Variants in CHAT observed in about 807,000 individuals in gnomAD.
The protein encoded by CHAT is choline O-acetyltransferase, also known as acetyl CoA:choline O-acetyltransferase.
Under a neutral mutation model 76.9 loss-of-function variants are expected in CHAT, and 61 were observed. The observed-to-expected ratio is 0.79, with a 90% CI of 0.65 to 0.98. The LOEUF is 0.98. Among genes scored for constraint, CHAT ranks in the 50% least tolerant of loss-of-function variants. The pLI is 0.00. For synonymous variants in CHAT, 407 were observed against 397.4 expected, an observed-to-expected ratio of 1.02 and a Z score of -0.29; for missense variants, 946 against 986.9, an observed-to-expected ratio of 0.96 and a Z score of 0.56.
intron 13 of CHAT, among the ~76,000 whole-genome samples, chr10:49,661,875 T>C (rs1840204948): frequency 6.6e-6 from 1 of 152,192 alleles, no homozygotes; most frequent in African/African-American, 2.4e-5. Context: ...CCCTCCTACA[T>C]TGACATCCTG....
intron 14 of CHAT, 48 bp downstream of exon 14, chr10:49,662,830 T>C (rs746590504): frequency 1.2e-6 from 2 of 1,613,172 alleles, no homozygotes; most frequent in Non-Finnish European, 1.7e-6. Context: ...GTCAGTAAGC[T>C]TTCTAAAGAG....
intron 7 of CHAT, among the ~76,000 whole-genome samples, chr10:49,641,662 G>A (rs1345164194): frequency 6.6e-6 from 1 of 152,144 alleles, no homozygotes; most frequent in Admixed American, 6.5e-5. Flanking sequence ...CATCAGGGGA[G>A]GAAAGATGCT....
rs1917813 is a variant in CHAT at position 49,649,789 on chromosome 10, T to C, written c.1511+153T>C. Among the ~76,000 whole-genome samples the C allele has an allele frequency of 0.38, 57,760 of 151,402 alleles. 11,868 individuals carry two copies. Among genetic ancestry groups the C allele is most frequent in the Middle Eastern group, 0.49 (144 of 292 alleles). On this transcript the variant is annotated intron_variant, in intron 10 of 14. Coordinates refer to ENST00000337653, the MANE Select transcript of CHAT (RefSeq NM_020549.5). The stretch of plus-strand genomic sequence containing the variant: ...CGTCCCCATCCCTCATGTAGTCAAA[T>C]TAAAGGAGAGATACAACTCTGGGGA...
chr10:49,620,656 C>G, intron 4 of CHAT, 43 bp downstream of exon 4: 1 of 1,474,358 alleles, frequency 6.8e-7, no homozygotes, highest in African/African-American at 1.4e-5. Context: ...GGGACCCACC[C>G]AAGGCAGGGG....
intron 7 of CHAT, among the ~76,000 whole-genome samples, chr10:49,640,619 C>T (rs771298595): frequency 7.2e-5 from 11 of 152,154 alleles, no homozygotes; most frequent in Non-Finnish European, 1.3e-4. Flanking sequence ...TGAGACTGTG[C>T]CTTCTCTGAT....
chr10:49,613,692 G>A (rs1346773367), upstream of CHAT, among the ~76,000 whole-genome samples: 1 of 152,066 alleles, frequency 6.6e-6, no homozygotes, highest in East Asian at 1.9e-4. Flanking sequence ...GGTGGGGGAT[G>A]CTTTTGTCTG....
At position 49,666,265 on chromosome 10, in the gene CHAT, G is replaced by A. The variant is rs1467257903; in HGVS notation, c.*1219G>A. ...AGCCCCAGCTCCAGCTCCAGCCCCA[G>A]CTCCAGCTCCAGCCCCAGCTCCAGC... On this transcript the variant is annotated 3_prime_UTR_variant, in exon 15 of 15. Transcript: ENST00000337653. Among the ~76,000 whole-genome samples, 1 of 152,140 alleles carries A rather than the reference G, an allele frequency of 6.6e-6. No homozygotes were observed. The highest frequency in any genetic ancestry group is 1.5e-5 in the Non-Finnish European group (1 of 68,004).
At chr10:49,647,893 C>T in intron 8 of CHAT, 1 of 168,334 alleles carries the variant, frequency 5.9e-6, no homozygotes, top group Non-Finnish European at 1.3e-5. Flanking sequence ...TCTATGCTGA[C>T]CTCCAGGTTC....
intron 2 of CHAT, among the ~76,000 whole-genome samples, chr10:49,618,200 A>G (rs1838569310): frequency 6.6e-6 from 1 of 152,202 alleles, no homozygotes; most frequent in South Asian, 2.1e-4. Context: ...TCTCTCCACA[A>G]GAGTACACCC....
chr10:49,660,077 A>G (rs919296641), intron 13 of CHAT, among the ~76,000 whole-genome samples: 3 of 152,164 alleles, frequency 2.0e-5, no homozygotes. Flanking sequence ...ATCAAACTAC[A>G]AAGAGTTAAA....
chr10:49,627,641 C>A lies in CHAT; in HGVS notation c.967C>A (p.Arg323Ser), dbSNP rs771938918. The change falls in exon 7 of 15, where the codon CGT (arginine) becomes AGT (serine). Residue 323 changes from arginine to serine, a missense_variant. Transcript: ENST00000337653. Reference protein sequence around the residue: ...FVLDVVINFRRLSEGDLFTQL... With the variant: ...FVLDVVINFRSLSEGDLFTQL... ...CTTGGATGTTGTCATTAATTTCCGC[C>A]GTCTCAGTGAGGGGGATCTGTTCAC... 2 of 1,614,014 alleles carry A rather than the reference C, an allele frequency of 1.2e-6. No individual in the cohort carries two copies. Among genetic ancestry groups the A allele is most frequent in the South Asian group, 1.1e-5 (1 of 91,080 alleles).
intron 7 of CHAT, among the ~76,000 whole-genome samples, chr10:49,632,690 G>A (rs3793790): frequency 0.67 from 101,947 of 151,972 alleles, 34,454 homozygotes; most frequent in East Asian, 0.77. Context: ...TTTCCACCCC[G>A]ACCCTCCATT....
Position 49,652,016 on chromosome 10 carries a change from G to C in CHAT, c.1634+10G>C, listed in dbSNP as rs761270245. On this transcript the variant is annotated intron_variant, in intron 11 of 14. Coordinates refer to ENST00000337653, the MANE Select transcript of CHAT (RefSeq NM_020549.5). ...AGCTGGCCTTCTACAGGTGAGTGAA[G>C]GTGGAGTGAGTCTGTACCCTGGAGG... is the stretch of plus-strand genomic sequence containing the variant. 1 of 1,614,200 alleles carries C rather than the reference G, an allele frequency of 6.2e-7. No individual in the cohort carries two copies. The highest frequency in any genetic ancestry group is 8.5e-7 in the Non-Finnish European group (1 of 1,180,028).
intron 14 of CHAT, 40 bp from the exon 15 acceptor site, chr10:49,664,737 A>G (rs1840299661): frequency 6.2e-7 from 1 of 1,613,964 alleles, no homozygotes; most frequent in East Asian, 2.2e-5. Flanking sequence ...GGCGGGCTGC[A>G]TTCCAGAACA....
In CHAT at chr10:49,639,405, A is replaced by G. The variant is rs530606568; in HGVS notation, c.1112-7100A>G. ...TTTCTTGATATAGAATTCTGGATTG[A>G]TAGTTCTTTTTTTTTCAGCACTTAC... On this transcript the variant is annotated intron_variant, in intron 7 of 14. Transcript: ENST00000337653. Among the ~76,000 whole-genome samples, 19 of 151,688 alleles carry G rather than the reference A, an allele frequency of 1.3e-4. No homozygotes were observed. In the South Asian group the frequency reaches 4.0e-3, roughly 32 times the overall value.
At chr10:49,647,054 C>A in intron 8 of CHAT, 1 of 294,356 alleles carries the variant, frequency 3.4e-6, no homozygotes. Context: ...CCCCACTGAA[C>A]AAATCCTTAA....
In CHAT at chr10:49,628,653, A is replaced by T. The variant is rs563697966; in HGVS notation, c.1111+868A>T. 2.0e-5 allele frequency among the ~76,000 whole-genome samples: 3 copies of T among 152,358 alleles called. No homozygotes were observed. In the East Asian group the frequency reaches 5.8e-4, roughly 29 times the overall value. On this transcript the variant is annotated intron_variant, in intron 7 of 14. Transcript: ENST00000337653. ...TGCTGACCCACTTCAGACAGGCGTC[A>T]AAAACGTGCTCCAGGACTTCAGAGA...
At chr10:49,644,436 T>A (rs1839592686) in intron 7 of CHAT, among the ~76,000 whole-genome samples, 1 of 152,042 alleles carries the variant, frequency 6.6e-6, no homozygotes, top group South Asian at 2.1e-4. Flanking sequence ...AAGGGGAGTT[T>A]CCCCAGGGCC....
At chr10:49,622,025 G>A in intron 4 of CHAT, 72 bp from the exon 5 acceptor site, 3 of 1,533,416 alleles carry the variant, frequency 2.0e-6, no homozygotes, top group Non-Finnish European at 9.0e-7. Context: ...AGGGAGGGGA[G>A]GCAGAAGGGA....
Sources: gnomAD v4.1 joint callset for allele counts (sites outside exome capture counted in the v4.1 genomes callset) on GRCh38, gnomAD v4.1.1 for gene constraint, MANE v1.5 for transcripts, NCBI Gene and HGNC (gene_info 2026-07-23, HGNC 2026-07-21) for gene names.